The following ATOSA variants were observed in gnomAD, a reference collection of about 807,000 sequenced individuals.
ATOSA encodes atos homolog A.
At chr15:52,628,494 C>T in the ATOSA span, among the ~76,000 whole-genome samples, 1 of 152,202 alleles carries the variant, frequency 6.6e-6, no homozygotes, top group Admixed American at 6.5e-5. Flanking sequence ...GTACTAATAC[C>T]TTTCTCACTT....
At chr15:52,692,071 A>G in the ATOSA span, among the ~76,000 whole-genome samples, 6 of 152,272 alleles carry the variant, frequency 3.9e-5, no homozygotes, top group African/African-American at 1.4e-4. Flanking sequence ...AATGAAAAGT[A>G]GTCCTCCATC....
At chr15:52,661,485 C>T in the ATOSA span, among the ~76,000 whole-genome samples, 4 of 152,190 alleles carry the variant, frequency 2.6e-5, no homozygotes, top group African/African-American at 9.7e-5. Flanking sequence ...TACATTTTCT[C>T]AACTGTAAAA....
the ATOSA span, among the ~76,000 whole-genome samples, chr15:52,590,445 A>C: frequency 6.6e-6 from 1 of 152,196 alleles, no homozygotes; most frequent in African/African-American, 2.4e-5. Flanking sequence ...TTAATCTTTA[A>C]GGGAATTATT....
At chr15:52,631,941 A>G in the ATOSA span, among the ~76,000 whole-genome samples, 1 of 152,092 alleles carries the variant, frequency 6.6e-6, no homozygotes, top group Non-Finnish European at 1.5e-5. Context: ...GAGCCTTGCT[A>G]TGTTACCCAA....
the ATOSA span, among the ~76,000 whole-genome samples, chr15:52,701,499 T>C: frequency 6.6e-6 from 1 of 152,180 alleles, no homozygotes; most frequent in Non-Finnish European, 1.5e-5. Flanking sequence ...AAAAATAAAC[T>C]TTTGAGATTT....
chr15:52,593,518 T>TA, the ATOSA span: 1 of 1,469,232 alleles, frequency 6.8e-7, no homozygotes, highest in Non-Finnish European at 9.2e-7. Flanking sequence ...TCAAAGCACT[T>TA]AAATTTGTCA....
At chr15:52,695,524 A>G in the ATOSA span, among the ~76,000 whole-genome samples, 1 of 152,198 alleles carries the variant, frequency 6.6e-6, no homozygotes, top group African/African-American at 2.4e-5. Context: ...TTCTTACAAT[A>G]TCTATTGAGC....
the ATOSA span, chr15:52,610,420 A>C: frequency 1.9e-6 from 3 of 1,550,920 alleles, no homozygotes; most frequent in Non-Finnish European, 2.6e-6. Context: ...TTATTGGATT[A>C]TAAAGGTTAG....
the ATOSA span, among the ~76,000 whole-genome samples, chr15:52,629,289 A>T: frequency 7.9e-5 from 12 of 152,182 alleles, no homozygotes; most frequent in Non-Finnish European, 1.5e-4. Context: ...GGCCTCCTCG[A>T]TTATGAACAA....
the ATOSA span, among the ~76,000 whole-genome samples, chr15:52,622,138 G>A: frequency 2.6e-5 from 4 of 152,064 alleles, no homozygotes; most frequent in Non-Finnish European, 5.9e-5. Context: ...GAGCCACTGC[G>A]CCTGGCCTAC....
the ATOSA span, chr15:52,649,806 G>C: frequency 6.6e-6 from 1 of 152,096 alleles, no homozygotes; most frequent in Non-Finnish European, 1.5e-5. Context: ...TACTGAATAG[G>C]AACTTTCAGA....
chr15:52,653,181 G>T, the ATOSA span, among the ~76,000 whole-genome samples: 1 of 152,140 alleles, frequency 6.6e-6, no homozygotes, highest in African/African-American at 2.4e-5. Context: ...TCAGATCTTT[G>T]TTTATCTTGA....
the ATOSA span, among the ~76,000 whole-genome samples, chr15:52,659,353 A>G: frequency 2.0e-5 from 3 of 152,230 alleles, no homozygotes; most frequent in Admixed American, 6.5e-5. Context: ...TAACAGTTAA[A>G]TTCTAAAATG....
At chr15:52,582,733 G>A in the ATOSA span, among the ~76,000 whole-genome samples, 1 of 152,166 alleles carries the variant, frequency 6.6e-6, no homozygotes, top group Non-Finnish European at 1.5e-5. Flanking sequence ...ACACAGCTTA[G>A]CCTCCCATGA....
the ATOSA span, chr15:52,608,741 T>C: frequency 6.2e-7 from 1 of 1,610,992 alleles, no homozygotes; most frequent in East Asian, 2.2e-5. Flanking sequence ...TTGAGATAAT[T>C]CTCTATGCTA....
At chr15:52,645,408 C>A in the ATOSA span, among the ~76,000 whole-genome samples, 2 of 151,968 alleles carry the variant, frequency 1.3e-5, no homozygotes, top group African/African-American at 4.8e-5. Context: ...TATGCCACTG[C>A]GCTCCAGCCT....
chr15:52,628,042 T>A, the ATOSA span, among the ~76,000 whole-genome samples: 21 of 152,216 alleles, frequency 1.4e-4, no homozygotes, highest in East Asian at 4.1e-3. Flanking sequence ...GAATCACCAA[T>A]GGAAATGAAG....
the ATOSA span, among the ~76,000 whole-genome samples, chr15:52,694,573 A>G: frequency 6.6e-6 from 1 of 152,010 alleles, no homozygotes; most frequent in Non-Finnish European, 1.5e-5. Flanking sequence ...GTGGCTCACA[A>G]CTATAATCCC....
the ATOSA span, among the ~76,000 whole-genome samples, chr15:52,619,536 G>A: frequency 6.6e-6 from 1 of 152,136 alleles, no homozygotes; most frequent in Non-Finnish European, 1.5e-5. Flanking sequence ...CTTCTTACCA[G>A]TTACATGTTA....
Sources: allele counts gnomAD v4.1 joint callset (sites outside exome capture counted in the v4.1 genomes callset), GRCh38; gene constraint gnomAD v4.1.1; transcripts MANE v1.5; gene names NCBI Gene and HGNC (gene_info 2026-07-23, HGNC 2026-07-21).